GNL3L: variants seen among roughly 807,000 people sequenced by gnomAD.
GNL3L encodes the protein guanine nucleotide-binding protein-like 3-like protein.
A neutral mutation model predicts 42.9 loss-of-function variants in GNL3L; 4 were observed. That is an observed-to-expected ratio of 0.09 (90% CI 0.05 to 0.21). The LOEUF is 0.21. Ranked by LOEUF, GNL3L falls within the 10% of genes least tolerant of loss-of-function variation. The pLI is 1.00. For missense variants in GNL3L, 412 were observed against 481.7 expected, an observed-to-expected ratio of 0.86 and a Z score of 1.36; for synonymous variants, 159 against 176.3, an observed-to-expected ratio of 0.90 and a Z score of 0.78.
At position 54,604,877 on chromosome X, in the gene GNL3L, G is replaced by A. The variant is rs138203210; in HGVS notation, c.*46-15968G>A. On this transcript the variant is annotated intron_variant, in intron 16 of 16. Coordinates refer to the GNL3L transcript ENST00000674498. ...AAATAGGTTACTTGGAGAATTAAAC[G>A]GATGAGTACGTGTAAAATGCTTAGG... Among the ~76,000 whole-genome samples, 322 of 111,745 alleles carry A rather than the reference G, an allele frequency of 2.9e-3. 1 individual carries two copies. Among genetic ancestry groups the A allele is most frequent in the African/African-American group, 9.6e-3 (297 of 30,803 alleles).
intron 16 of GNL3L, among the ~76,000 whole-genome samples, chrX:54,606,478 TTCTC>T (rs1245825300): frequency 1.8e-5 from 2 of 110,307 alleles, no homozygotes; most frequent in Non-Finnish European, 3.8e-5. Flanking sequence ...GAGAGAAATG[TTCTC>T]TCTCTCTTTT....
At chrX:54,645,770 A>G in the GNL3L span, among the ~76,000 whole-genome samples, 1 of 111,533 alleles carries the variant, frequency 9.0e-6, no homozygotes, top group Non-Finnish European at 1.9e-5. Context: ...CATCCCTTCC[A>G]TGTTTCTTTG....
At chrX:54,554,790 G>A (rs996651536) in intron 14 of GNL3L, 98 bp downstream of exon 14, 5 of 765,652 alleles carry the variant, frequency 6.5e-6, no homozygotes, top group Middle Eastern at 3.4e-4. Context: ...TGAGATGTGG[G>A]TAGTTCACTC....
At chrX:54,588,822 C>T (rs975924051) in intron 16 of GNL3L, among the ~76,000 whole-genome samples, 1 of 111,907 alleles carries the variant, frequency 8.9e-6, no homozygotes, top group South Asian at 3.7e-4. Context: ...AAAAGTGGAA[C>T]CAGCCATATC....
intron 16 of GNL3L, among the ~76,000 whole-genome samples, chrX:54,596,930 G>A (rs1468690107): frequency 9.0e-6 from 1 of 111,046 alleles, no homozygotes; most frequent in Non-Finnish European, 1.9e-5. Context: ...TTCCTGGCCT[G>A]GGACTCACCC....
intron 8 of GNL3L, among the ~76,000 whole-genome samples, chrX:54,545,540 C>T (rs1950546364): frequency 9.0e-6 from 1 of 111,450 alleles, no homozygotes; most frequent in Admixed American, 9.6e-5. Flanking sequence ...ACGTATACCT[C>T]CAATCATTTT....
At chrX:54,645,170 G>A in the GNL3L span, among the ~76,000 whole-genome samples, 1 of 111,179 alleles carries the variant, frequency 9.0e-6, no homozygotes, top group South Asian at 3.8e-4. Context: ...AGATTATTTT[G>A]CTCCTATAAT....
chrX:54,560,123 G>A, intron 15 of GNL3L, among the ~76,000 whole-genome samples: 1 of 111,164 alleles, frequency 9.0e-6, no homozygotes, highest in Middle Eastern at 4.2e-3. Context: ...GATGGGAGGT[G>A]TGCGTGGTGA....
At chrX:54,550,862 A>T (rs1569542094) in intron 9 of GNL3L, 101 bp from the exon 10 acceptor site, 1 of 534,597 alleles carries the variant, frequency 1.9e-6, no homozygotes, top group East Asian at 3.6e-5. Context: ...TGGCTTCCCC[A>T]TGGCCTGGTT....
intron 1 of GNL3L, 93 bp from the exon 2 acceptor site, chrX:54,532,427 C>G: frequency 1.9e-6 from 1 of 537,789 alleles, no homozygotes; most frequent in Non-Finnish European, 3.2e-6. Flanking sequence ...TCATAATGTT[C>G]TTTAACATTT....
chrX:54,631,594 C>T, the GNL3L span, among the ~76,000 whole-genome samples: 4 of 111,466 alleles, frequency 3.6e-5, no homozygotes, highest in East Asian at 8.5e-4. Flanking sequence ...CTCCTGCTCG[C>T]TTTTGGTGTT....
intron 16 of GNL3L, among the ~76,000 whole-genome samples, chrX:54,607,075 T>TTTC (rs1412691190): frequency 0.061 from 2,233 of 36,856 alleles, 278 homozygotes; most frequent in African/African-American, 0.27. Context: ...TTTCTTTCTC[T>TTTC]TTCTTTCTTC....
At chrX:54,610,106 G>T (rs1926144634) in intron 16 of GNL3L, among the ~76,000 whole-genome samples, 1 of 111,392 alleles carries the variant, frequency 9.0e-6, no homozygotes, top group Admixed American at 9.6e-5. Context: ...TTTTATTTTT[G>T]TAGCTGTTGT....
chrX:54,571,194 A>G (rs1378529466), downstream of GNL3L, among the ~76,000 whole-genome samples: 3 of 91,489 alleles, frequency 3.3e-5, no homozygotes. Context: ...TGTCATCCTA[A>G]TTTTTTTTTT....
In GNL3L at chrX:54,561,582, G is replaced by A. The variant is rs1425064105; in HGVS notation, c.*980G>A. Among the ~76,000 whole-genome samples the A allele has an allele frequency of 2.7e-5, 3 of 112,049 alleles. No individual in the cohort carries two copies. The highest frequency in any genetic ancestry group is 5.6e-5 in the Non-Finnish European group (3 of 53,181). On this transcript the variant is annotated 3_prime_UTR_variant, in exon 16 of 16. Transcript: ENST00000360845. Reference sequence around the variant, plus strand: ...GTTAGTAGGGAGGCTTTAGGGGGAAGCCCCGTCTTGGGGGCATTTCTGGGC... The same window carrying A: ...GTTAGTAGGGAGGCTTTAGGGGGAAACCCCGTCTTGGGGGCATTTCTGGGC...
At chrX:54,552,254 G>A (rs923911037) in intron 12 of GNL3L, 38 bp from the exon 13 acceptor site, 1 of 1,187,978 alleles carries the variant, frequency 8.4e-7, no homozygotes, top group East Asian at 3.0e-5. Flanking sequence ...GGTTCTCTCA[G>A]TGACAGCACC....
chrX:54,591,119 C>T (rs1419296233), intron 16 of GNL3L, among the ~76,000 whole-genome samples: 1 of 111,320 alleles, frequency 9.0e-6, no homozygotes, highest in Non-Finnish European at 1.9e-5. Flanking sequence ...GCGTGAGCCA[C>T]CGTCCCCAGC....
chrX:54,572,024 T>A (rs1447238353), downstream of GNL3L, among the ~76,000 whole-genome samples: 1 of 108,920 alleles, frequency 9.2e-6, no homozygotes, highest in Non-Finnish European at 1.9e-5. Flanking sequence ...TATTTTTTTT[T>A]ATTGATCATT....
At chrX:54,615,530 T>TA (rs1320558716) in intron 16 of GNL3L, among the ~76,000 whole-genome samples, 2 of 111,920 alleles carry the variant, frequency 1.8e-5, no homozygotes, top group South Asian at 3.7e-4. Context: ...TACTTTACAA[T>TA]AAAAAATTTT....
Sources: gnomAD v4.1 joint callset for allele counts (sites outside exome capture counted in the v4.1 genomes callset) on GRCh38, gnomAD v4.1.1 for gene constraint, MANE v1.5 for transcripts, NCBI Gene and HGNC (gene_info 2026-07-23, HGNC 2026-07-21) for gene names.